Variants in ADGRL3 observed in about 807,000 individuals in gnomAD.
ADGRL3 encodes the protein calcium-independent alpha-latrotoxin receptor 3.
A neutral mutation model predicts 153.5 loss-of-function variants in ADGRL3; 62 were observed. The observed-to-expected ratio is 0.40, with a 90% CI of 0.33 to 0.50. The LOEUF (loss-of-function observed/expected upper bound fraction) is 0.50. ADGRL3 is among the 20% of genes least tolerant of loss of function. ADGRL3 has a pLI of 0.47. For synonymous variants in ADGRL3, 710 were observed against 672.5 expected, an observed-to-expected ratio of 1.06 and a Z score of -0.86; for missense variants, 1,641 against 1,859.4, an observed-to-expected ratio of 0.88 and a Z score of 2.16.
chr4:61,434,369 C>T (rs1050972933), intron 2 of ADGRL3, among the ~76,000 whole-genome samples: 6 of 152,012 alleles, frequency 3.9e-5, no homozygotes, highest in Middle Eastern at 3.4e-3. Flanking sequence ...GGAATTTTGA[C>T]GCTATGATAC....
chr4:61,959,891 T>C (rs1274851286), intron 17 of ADGRL3, among the ~76,000 whole-genome samples: 3 of 152,134 alleles, frequency 2.0e-5, no homozygotes, highest in African/African-American at 7.2e-5. Context: ...CTATCTATAG[T>C]ATGGTGGGAT....
chr4:61,671,537 C>A (rs1288259149), intron 5 of ADGRL3, among the ~76,000 whole-genome samples: 1 of 152,086 alleles, frequency 6.6e-6, no homozygotes, highest in Non-Finnish European at 1.5e-5. Context: ...AATTGCATAT[C>A]TTTTTGATTG....
chr4:61,917,877 G>T (rs989047786), intron 13 of ADGRL3, among the ~76,000 whole-genome samples: 15 of 152,180 alleles, frequency 9.9e-5, no homozygotes, highest in Non-Finnish European at 1.6e-4. Context: ...GAGTGAAAAA[G>T]AGGATCACAG....
chr4:61,979,379 G>A (rs1266445577), intron 17 of ADGRL3, among the ~76,000 whole-genome samples, 184 bp from the exon 18 acceptor site: 5 of 152,030 alleles, frequency 3.3e-5, no homozygotes, highest in South Asian at 2.1e-4. Flanking sequence ...CACACCTCAC[G>A]GAAAAGACAA....
At chr4:61,345,836 A>G (rs909791256) in intron 1 of ADGRL3, among the ~76,000 whole-genome samples, 5 of 152,176 alleles carry the variant, frequency 3.3e-5, no homozygotes, top group Non-Finnish European at 7.3e-5. Context: ...CAAATTCCAA[A>G]ACTGGTCTAG....
At chr4:61,790,533 C>T (rs935323621) in intron 8 of ADGRL3, among the ~76,000 whole-genome samples, 2 of 152,108 alleles carry the variant, frequency 1.3e-5, no homozygotes, top group Non-Finnish European at 2.9e-5. Context: ...ACAATTAGAA[C>T]AATATACTGT....
At chr4:62,026,703 A>G (rs1244699563) in intron 21 of ADGRL3, among the ~76,000 whole-genome samples, 1 of 152,034 alleles carries the variant, frequency 6.6e-6, no homozygotes. Context: ...GCAGATATGG[A>G]GGATGAACAA....
intron 25 of ADGRL3, among the ~76,000 whole-genome samples, chr4:62,065,121 A>C (rs765744956): frequency 6.6e-6 from 1 of 152,054 alleles, no homozygotes; most frequent in Non-Finnish European, 1.5e-5. Context: ...TGTTATGTAT[A>C]TATTTTTTTC....
intron 21 of ADGRL3, among the ~76,000 whole-genome samples, chr4:62,013,897 A>AT (rs1464265314): frequency 9.7e-5 from 13 of 134,118 alleles, no homozygotes; most frequent in Non-Finnish European, 1.7e-4. Flanking sequence ...AAAAAAAAAA[A>AT]ATTTTTTTTT....
At chr4:61,786,361 G>A (rs887562780) in intron 8 of ADGRL3, among the ~76,000 whole-genome samples, 5 of 152,100 alleles carry the variant, frequency 3.3e-5, no homozygotes, top group Non-Finnish European at 5.9e-5. Context: ...GAGGTTATTT[G>A]GCAAGCACTG....
At chr4:61,635,136 G>A (rs1276304052) in intron 5 of ADGRL3, among the ~76,000 whole-genome samples, 1 of 152,150 alleles carries the variant, frequency 6.6e-6, no homozygotes, top group Non-Finnish European at 1.5e-5. Flanking sequence ...GTTTACCTCA[G>A]GAGAAGGGGA....
At chr4:61,846,046 G>A (rs935719099) in intron 9 of ADGRL3, among the ~76,000 whole-genome samples, 3 of 152,058 alleles carry the variant, frequency 2.0e-5, no homozygotes, top group Admixed American at 2.0e-4. Context: ...CAGGTATGGT[G>A]GCTGAGGTCT....
intron 1 of ADGRL3, among the ~76,000 whole-genome samples, chr4:61,253,698 C>T: frequency 7.2e-6 from 1 of 139,110 alleles, no homozygotes. Context: ...GTTCCACACA[C>T]ACACACACAC....
chr4:61,345,863 G>T (rs370011278), intron 1 of ADGRL3, among the ~76,000 whole-genome samples: 1 of 152,120 alleles, frequency 6.6e-6, no homozygotes, highest in East Asian at 1.9e-4. Context: ...TATAAAATTT[G>T]CATGAGTTGT....
chr4:61,319,615 T>A (rs1173945223), intron 1 of ADGRL3, among the ~76,000 whole-genome samples: 1 of 152,152 alleles, frequency 6.6e-6, no homozygotes, highest in Non-Finnish European at 1.5e-5. Context: ...TTTGCCAGAC[T>A]AATAAACTGA....
At chr4:61,957,317 C>G (rs1309811958) in intron 17 of ADGRL3, among the ~76,000 whole-genome samples, 1 of 152,010 alleles carries the variant, frequency 6.6e-6, no homozygotes, top group Non-Finnish European at 1.5e-5. Context: ...AGAGTCCATT[C>G]ACGATTTGGC....
chr4:62,021,952 A>G (rs1025616754), intron 21 of ADGRL3, among the ~76,000 whole-genome samples: 9 of 152,186 alleles, frequency 5.9e-5, no homozygotes, highest in Admixed American at 1.3e-4. Flanking sequence ...ATGGCTTGTA[A>G]GTGTTCAAGT....
intron 9 of ADGRL3, among the ~76,000 whole-genome samples, chr4:61,847,923 A>G (rs2098148083): frequency 4.6e-5 from 1 of 21,964 alleles, no homozygotes; most frequent in African/African-American, 1.1e-4. Flanking sequence ...TATATTATAT[A>G]TATAATATAA....
At chr4:61,876,916 A>C (rs1237410878) in intron 9 of ADGRL3, among the ~76,000 whole-genome samples, 14 of 151,086 alleles carry the variant, frequency 9.3e-5, no homozygotes, top group African/African-American at 3.4e-4. Flanking sequence ...TTTAAAAAAA[A>C]AAAAAAAAAA....
Sources: allele counts gnomAD v4.1 joint callset (sites outside exome capture counted in the v4.1 genomes callset), GRCh38; gene constraint gnomAD v4.1.1; transcripts MANE v1.5; gene names NCBI Gene and HGNC (gene_info 2026-07-23, HGNC 2026-07-21).